GLRA2: variants seen among roughly 807,000 people sequenced by gnomAD.
GLRA2 encodes glycine receptor subunit alpha-2.
Under a neutral mutation model 31.6 loss-of-function variants are expected in GLRA2, and 11 were observed. The ratio of observed to expected loss-of-function variants is 0.35; its 90% confidence interval spans 0.22 to 0.58. The LOEUF is 0.58. Ranked by LOEUF, GLRA2 falls within the 20% of genes least tolerant of loss-of-function variation. The pLI, the probability that GLRA2 is intolerant of heterozygous loss-of-function variation, is 0.84. For synonymous variants in GLRA2, 132 were observed against 134.0 expected (o/e 0.99, Z 0.10); for missense variants, 212 against 351.8 (o/e 0.60, Z 3.18).
At chrX:14,535,577 G>T (rs2089312345) in intron 2 of GLRA2, among the ~76,000 whole-genome samples, 2 of 112,211 alleles carry the variant, frequency 1.8e-5, no homozygotes, top group African/African-American at 6.5e-5. Context: ...TTATCTATAA[G>T]ATCCATAGAG....
At chrX:14,633,653 A>T (rs1379037565) in intron 7 of GLRA2, among the ~76,000 whole-genome samples, 1 of 111,994 alleles carries the variant, frequency 8.9e-6, no homozygotes, top group African/African-American at 3.2e-5. Flanking sequence ...GGTAATTTAT[A>T]AAGCAAAGAG....
At chrX:14,713,145 A>T (rs143142497) in intron 8 of GLRA2, among the ~76,000 whole-genome samples, 2,961 of 112,117 alleles carry the variant, frequency 0.026, 36 homozygotes, top group Non-Finnish European at 0.044. Context: ...AGTCAGAATC[A>T]TCCAAGTTAG....
chrX:14,473,805 CTG>C, the GLRA2 span, among the ~76,000 whole-genome samples: 12 of 112,017 alleles, frequency 1.1e-4, no homozygotes, highest in Non-Finnish European at 5.6e-5. Context: ...TGAAAGGAAA[CTG>C]TTTCAGATTT....
At chrX:14,690,363 T>C (rs1234221344) in intron 7 of GLRA2, among the ~76,000 whole-genome samples, 1 of 111,869 alleles carries the variant, frequency 8.9e-6, no homozygotes, top group Non-Finnish European at 1.9e-5. Flanking sequence ...CATCATGGAA[T>C]GTCTAAATTG....
chrX:14,453,832 T>C, the GLRA2 span, among the ~76,000 whole-genome samples: 6 of 111,636 alleles, frequency 5.4e-5, no homozygotes, highest in Non-Finnish European at 1.1e-4. Flanking sequence ...TTATGGTACA[T>C]CCATACCATG....
chrX:14,502,216 C>T, the GLRA2 span, among the ~76,000 whole-genome samples: 2 of 111,647 alleles, frequency 1.8e-5, no homozygotes, highest in Non-Finnish European at 3.8e-5. Flanking sequence ...CAAGTTCCTT[C>T]ATTTCTTTTG....
At chrX:14,644,275 T>C (rs1278316661) in intron 7 of GLRA2, among the ~76,000 whole-genome samples, 1 of 111,796 alleles carries the variant, frequency 8.9e-6, no homozygotes, top group East Asian at 2.8e-4. Flanking sequence ...TCCAAAGCAC[T>C]CTCCTCAACA....
intron 7 of GLRA2, among the ~76,000 whole-genome samples, chrX:14,680,425 C>A (rs1052306298): frequency 1.8e-5 from 2 of 111,993 alleles, no homozygotes; most frequent in African/African-American, 6.5e-5. Context: ...ACTTTGAGAA[C>A]TTCATTACCT....
intron 4 of GLRA2, among the ~76,000 whole-genome samples, chrX:14,588,888 T>G (rs2090110853): frequency 8.9e-6 from 1 of 111,824 alleles, no homozygotes; most frequent in African/African-American, 3.2e-5. Flanking sequence ...GGAATGTTAT[T>G]GGTGTATAGA....
the GLRA2 span, among the ~76,000 whole-genome samples, chrX:14,493,504 CAT>C: frequency 2.9e-4 from 29 of 101,208 alleles, no homozygotes; most frequent in African/African-American, 4.3e-4. Context: ...TAAGGCTGAA[CAT>C]ATATATATAT....
At chrX:14,583,643 G>A (rs765104882) in intron 4 of GLRA2, among the ~76,000 whole-genome samples, 15 of 111,978 alleles carry the variant, frequency 1.3e-4, no homozygotes, top group Non-Finnish European at 2.6e-4. Context: ...GGAGGCTAAG[G>A]CAGGAGAATC....
At chrX:14,507,689 C>CTTTAT in the GLRA2 span, among the ~76,000 whole-genome samples, 1 of 46,629 alleles carries the variant, frequency 2.1e-5, no homozygotes, top group Non-Finnish European at 3.9e-5. Context: ...GAAAGACATT[C>CTTTAT]TTTTTTTTTT....
intron 4 of GLRA2, among the ~76,000 whole-genome samples, chrX:14,588,574 G>T (rs1438225635): frequency 9.0e-6 from 1 of 111,338 alleles, no homozygotes; most frequent in Non-Finnish European, 1.9e-5. Context: ...GCTGTTTTTT[G>T]GTTCTGTATG....
chrX:14,450,936 C>T, the GLRA2 span, among the ~76,000 whole-genome samples: 1 of 111,346 alleles, frequency 9.0e-6, no homozygotes, highest in Non-Finnish European at 1.9e-5. Flanking sequence ...GTCTTGAACT[C>T]TAATTCACCT....
chrX:14,527,376 G>A (rs1296865578), upstream of GLRA2, among the ~76,000 whole-genome samples: 1 of 111,857 alleles, frequency 8.9e-6, no homozygotes, highest in African/African-American at 3.3e-5. Flanking sequence ...CAGCACTATG[G>A]GAGGCTGAGG....
Position 14,529,761 on chromosome X carries a change from T to G in GLRA2, c.-297T>G. On this transcript the variant is annotated 5_prime_UTR_variant, in exon 1 of 9. Coordinates refer to ENST00000218075, the MANE Select transcript of GLRA2 (RefSeq NM_002063.4). ...CAACTCCCTTTGCATGGTGATGCGA[T>G]TAAGGTAGCAGCATTTTTATTATTC... The G allele has an allele frequency of 8.7e-6, 3 of 343,852 alleles. No homozygotes were observed. The highest frequency in any genetic ancestry group is 1.0e-5 in the Non-Finnish European group (2 of 198,873). 28.3% of individuals were successfully genotyped at this position (343,852 alleles called of 1,213,427 possible).
the GLRA2 span, among the ~76,000 whole-genome samples, chrX:14,512,878 TACC>T: frequency 9.0e-6 from 1 of 110,886 alleles, no homozygotes; most frequent in Non-Finnish European, 1.9e-5. Flanking sequence ...CCCATAAAAA[TACC>T]ACCATCATTC....
the GLRA2 span, among the ~76,000 whole-genome samples, chrX:14,503,225 A>G: frequency 9.0e-6 from 1 of 111,523 alleles, no homozygotes; most frequent in Non-Finnish European, 1.9e-5. Flanking sequence ...AGTGTTGCTT[A>G]CTGTCTAGCA....
chrX:14,705,102 CAG>C (rs1470642785), intron 8 of GLRA2, among the ~76,000 whole-genome samples: 5 of 112,047 alleles, frequency 4.5e-5, no homozygotes, highest in Non-Finnish European at 9.4e-5. Context: ...GTAAATGAAA[CAG>C]AGATTAAATA....
Sources: gnomAD v4.1 joint callset for allele counts (sites outside exome capture counted in the v4.1 genomes callset) on GRCh38, gnomAD v4.1.1 for gene constraint, MANE v1.5 for transcripts, NCBI Gene and HGNC (gene_info 2026-07-23, HGNC 2026-07-21) for gene names.